Variants in ZFPM2 observed in about 807,000 individuals in gnomAD.
ZFPM2 encodes the protein zinc finger protein ZFPM2.
Under a neutral mutation model 98.6 loss-of-function variants are expected in ZFPM2, and 20 were observed. The ratio of observed to expected loss-of-function variants is 0.20; its 90% confidence interval spans 0.14 to 0.29. The LOEUF (loss-of-function observed/expected upper bound fraction) is 0.29, where lower values mean the gene tolerates loss of function less well. Ranked by LOEUF, ZFPM2 falls within the 10% of genes least tolerant of loss-of-function variation. The probability of loss-of-function intolerance (pLI) is 1.00; values close to 1 mark genes in which losing one functional copy is unlikely to be tolerated. For synonymous variants in ZFPM2, 518 were observed against 502.7 expected (o/e 1.03, Z -0.41); for missense variants, 1,310 against 1,388.6 (o/e 0.94, Z 0.90).
chr8:105,554,596 A>G (rs1814941928), intron 3 of ZFPM2, among the ~76,000 whole-genome samples: 1 of 152,164 alleles, frequency 6.6e-6, no homozygotes, highest in Non-Finnish European at 1.5e-5. Flanking sequence ...ATTGTGAGCT[A>G]ATTCATGTGG....
At chr8:105,331,024 T>TCA (rs896637316) in intron 1 of ZFPM2, among the ~76,000 whole-genome samples, 13 of 150,820 alleles carry the variant, frequency 8.6e-5, no homozygotes, top group Non-Finnish European at 1.8e-4. Flanking sequence ...TTTTTGGTGT[T>TCA]CACACACACA....
At chr8:105,517,425 T>A (rs769139333) in intron 3 of ZFPM2, among the ~76,000 whole-genome samples, 4 of 152,190 alleles carry the variant, frequency 2.6e-5, no homozygotes, top group Non-Finnish European at 5.9e-5. Flanking sequence ...AAAAATTATA[T>A]GTATTTACAG....
chr8:105,602,190 G>A (rs1816106661), intron 4 of ZFPM2, among the ~76,000 whole-genome samples: 1 of 152,070 alleles, frequency 6.6e-6, no homozygotes, highest in Non-Finnish European at 1.5e-5. Context: ...AAGGCTAGGA[G>A]GTAGAGAAGT....
intron 4 of ZFPM2, among the ~76,000 whole-genome samples, chr8:105,617,328 A>G (rs909333144): frequency 2.0e-4 from 31 of 152,164 alleles, no homozygotes; most frequent in Middle Eastern, 3.4e-3. Context: ...TTCCCAGTTT[A>G]AACTTGAACT....
chr8:105,665,541 A>G (rs1817473375), intron 5 of ZFPM2, among the ~76,000 whole-genome samples: 1 of 152,192 alleles, frequency 6.6e-6, no homozygotes, highest in Admixed American at 6.5e-5. Flanking sequence ...TCTGTTCAGG[A>G]ATGGTTTGAA....
intron 4 of ZFPM2, among the ~76,000 whole-genome samples, chr8:105,627,051 A>G (rs1816671572): frequency 6.6e-6 from 1 of 152,046 alleles, no homozygotes; most frequent in Non-Finnish European, 1.5e-5. Flanking sequence ...TTCCAGCAAA[A>G]TTTGGAATCC....
chr8:105,453,151 G>A (rs1050433338), intron 3 of ZFPM2, among the ~76,000 whole-genome samples: 1 of 152,098 alleles, frequency 6.6e-6, no homozygotes, highest in African/African-American at 2.4e-5. Flanking sequence ...AATTAGTTAG[G>A]GCAAGTTTAT....
At chr8:105,786,315 T>C (rs1373554432) in intron 5 of ZFPM2, among the ~76,000 whole-genome samples, 1 of 152,156 alleles carries the variant, frequency 6.6e-6, no homozygotes, top group Non-Finnish European at 1.5e-5. Flanking sequence ...ACATTTTCTT[T>C]AGCATGAAGG....
At chr8:105,774,711 T>C (rs1368489622) in intron 5 of ZFPM2, among the ~76,000 whole-genome samples, 1 of 152,172 alleles carries the variant, frequency 6.6e-6, no homozygotes, top group African/African-American at 2.4e-5. Flanking sequence ...ATGTTGGTTG[T>C]TCAGAGATGG....
chr8:105,488,517 T>G (rs1481158824), intron 3 of ZFPM2, among the ~76,000 whole-genome samples: 1 of 152,078 alleles, frequency 6.6e-6, no homozygotes, highest in African/African-American at 2.4e-5. Context: ...ATCCCAGCAC[T>G]TTGGGAGGCT....
In ZFPM2 at chr8:105,359,191, G is replaced by A. The variant is rs117283087; in HGVS notation, c.40+40210G>A. On this transcript the variant is annotated intron_variant, in intron 1 of 7. Transcript: ENST00000407775. Reference sequence around the variant, plus strand: ...ATAGATGGTAGTTTTCCCCATGCTCGACTTCTCTCTCTCTCTTGCCTGCCA... The same window carrying A: ...ATAGATGGTAGTTTTCCCCATGCTCAACTTCTCTCTCTCTCTTGCCTGCCA... Among the ~76,000 whole-genome samples, 527 of 151,936 alleles carry A rather than the reference G, an allele frequency of 3.5e-3. 4 individuals are homozygous for A. Among genetic ancestry groups the A allele is most frequent in the South Asian group, 0.021 (99 of 4,796 alleles).
chr8:105,765,806 G>A (rs1812841127), intron 5 of ZFPM2, among the ~76,000 whole-genome samples: 1 of 151,882 alleles, frequency 6.6e-6, no homozygotes, highest in Non-Finnish European at 1.5e-5. Flanking sequence ...AGATAGATAG[G>A]TTTTACAATA....
intron 1 of ZFPM2, among the ~76,000 whole-genome samples, chr8:105,349,168 T>A (rs1029902703): frequency 1.3e-5 from 2 of 151,954 alleles, no homozygotes; most frequent in African/African-American, 4.8e-5. Context: ...GTTCTGGATT[T>A]TTTTAAGGCC....
At chr8:105,452,649 G>C (rs1812508488) in intron 3 of ZFPM2, among the ~76,000 whole-genome samples, 2 of 151,994 alleles carry the variant, frequency 1.3e-5, no homozygotes, top group Non-Finnish European at 2.9e-5. Context: ...CTACTTGGGA[G>C]GCTGAGGCAG....
At chr8:105,748,207 T>C (rs1812392615) in intron 5 of ZFPM2, among the ~76,000 whole-genome samples, 1 of 152,080 alleles carries the variant, frequency 6.6e-6, no homozygotes. Flanking sequence ...AGTTTGTATG[T>C]TATTTGTGCT....
intron 5 of ZFPM2, among the ~76,000 whole-genome samples, chr8:105,694,207 C>A (rs534922007): frequency 6.6e-6 from 1 of 151,966 alleles, no homozygotes; most frequent in Non-Finnish European, 1.5e-5. Context: ...AGGATGGTCT[C>A]AATCTCCTGA....
chr8:105,705,041 T>C (rs1358483189), intron 5 of ZFPM2, among the ~76,000 whole-genome samples: 1 of 152,148 alleles, frequency 6.6e-6, no homozygotes, highest in Non-Finnish European at 1.5e-5. Flanking sequence ...TCTAAGCCAG[T>C]ATATAATTAA....
At chr8:105,673,190 T>TC (rs1206921452) in intron 5 of ZFPM2, among the ~76,000 whole-genome samples, 3 of 146,940 alleles carry the variant, frequency 2.0e-5, no homozygotes, top group Admixed American at 1.4e-4. Flanking sequence ...TAGCATGCTT[T>TC]TTTTTTTTTT....
At chr8:105,737,797 A>T (rs1812114362) in intron 5 of ZFPM2, 1 of 152,040 alleles carries the variant, frequency 6.6e-6, no homozygotes, top group South Asian at 2.1e-4. Flanking sequence ...ATAAACTTGA[A>T]TGTGTGACCA....
Sources: allele counts gnomAD v4.1 joint callset (sites outside exome capture counted in the v4.1 genomes callset), GRCh38; gene constraint gnomAD v4.1.1; transcripts MANE v1.5; gene names NCBI Gene and HGNC (gene_info 2026-07-23, HGNC 2026-07-21).